SGCZ: variants seen among roughly 807,000 people sequenced by gnomAD.
SGCZ encodes the protein zeta-sarcoglycan.
In SGCZ, 40 loss-of-function variants were observed where a neutral mutation model predicts 41.3. The ratio of observed to expected loss-of-function variants is 0.97; its 90% CI spans 0.75 to 1.26. SGCZ has a LOEUF of 1.26. SGCZ is among the 50% of genes most tolerant of loss of function. The pLI, the probability that SGCZ is intolerant of heterozygous loss-of-function variation, is 0.00. For synonymous variants in SGCZ, 206 were observed against 137.5 expected (o/e 1.50, Z -3.49); for missense variants, 552 against 369.8 (o/e 1.49, Z -4.04).
chr8:14,130,889 T>A (rs1282639657), intron 5 of SGCZ, among the ~76,000 whole-genome samples: 1 of 152,148 alleles, frequency 6.6e-6, no homozygotes, highest in African/African-American at 2.4e-5. Flanking sequence ...AGGTAGAGAA[T>A]CCAGTTGCAT....
chr8:14,872,612 C>T (rs192104673), intron 1 of SGCZ, among the ~76,000 whole-genome samples: 423 of 152,020 alleles, frequency 2.8e-3, no homozygotes, highest in Non-Finnish European at 2.8e-3. Flanking sequence ...TTCTTTAAAC[C>T]ACACAGTATG....
At chr8:14,138,995 C>G (rs1255249789) in intron 5 of SGCZ, among the ~76,000 whole-genome samples, 2 of 152,168 alleles carry the variant, frequency 1.3e-5, no homozygotes, top group African/African-American at 2.4e-5. Context: ...AACTGTCTCT[C>G]AGACCACAGT....
chr8:14,714,339 T>C (rs1363297148), intron 1 of SGCZ, among the ~76,000 whole-genome samples: 1 of 152,148 alleles, frequency 6.6e-6, no homozygotes, highest in Non-Finnish European at 1.5e-5. Flanking sequence ...TTAAAAAAAG[T>C]AACAGTATCA....
chr8:14,684,631 G>T (rs1427445143), intron 1 of SGCZ, among the ~76,000 whole-genome samples: 1 of 151,746 alleles, frequency 6.6e-6, no homozygotes, highest in Non-Finnish European at 1.5e-5. Context: ...GCTTTAAAAA[G>T]TTCATCTAAA....
chr8:14,848,481 C>G (rs951921709), intron 1 of SGCZ, among the ~76,000 whole-genome samples: 3 of 152,154 alleles, frequency 2.0e-5, no homozygotes, highest in African/African-American at 7.2e-5. Flanking sequence ...AATCAACACA[C>G]TGTTGTATTA....
chr8:14,396,257 G>A (rs1798916600), intron 2 of SGCZ, among the ~76,000 whole-genome samples: 1 of 152,060 alleles, frequency 6.6e-6, no homozygotes, highest in Non-Finnish European at 1.5e-5. Flanking sequence ...TGTAAGGTAA[G>A]GACTTAAAAT....
chr8:14,291,105 G>A (rs1446781281), intron 3 of SGCZ, among the ~76,000 whole-genome samples: 2 of 152,038 alleles, frequency 1.3e-5, no homozygotes, highest in African/African-American at 2.4e-5. Flanking sequence ...CTCATGTGTG[G>A]AATCTAAAAA....
intron 1 of SGCZ, among the ~76,000 whole-genome samples, chr8:14,918,937 A>T (rs1368689577): frequency 6.6e-6 from 1 of 152,204 alleles, no homozygotes; most frequent in Admixed American, 6.5e-5. Flanking sequence ...TGTTTTGGTT[A>T]ACAGCATAGA....
intron 4 of SGCZ, among the ~76,000 whole-genome samples, chr8:14,228,370 G>C (rs1053212785): frequency 6.6e-6 from 1 of 151,916 alleles, no homozygotes; most frequent in Non-Finnish European, 1.5e-5. Flanking sequence ...AAAATTTAAA[G>C]CCACTCCTTT....
rs1801171513 is a variant in SGCZ at position 14,301,116 on chromosome 8, T to C, written c.336+22987A>G. 2.0e-5 allele frequency among the ~76,000 whole-genome samples: 3 copies of C among 151,696 alleles called. No individual in the cohort carries two copies. The South Asian group carries it at 6.2e-4, about 31-fold the overall frequency. On this transcript the variant is annotated intron_variant, in intron 3 of 7. Coordinates refer to ENST00000382080, the MANE Select transcript of SGCZ (RefSeq NM_139167.4). ...ATCATCAATTATCCCTATCCTCTCA[T>C]CCTTGTCACCTATTTATTAGATGCC...
intron 5 of SGCZ, among the ~76,000 whole-genome samples, chr8:14,156,808 A>G (rs988916140): frequency 3.9e-5 from 6 of 152,170 alleles, no homozygotes; most frequent in Non-Finnish European, 8.8e-5. Context: ...CCAGCTCCAC[A>G]TCTTGTCCCA....
chr8:15,095,469 T>G (rs985376375), intron 1 of SGCZ, among the ~76,000 whole-genome samples: 4 of 152,242 alleles, frequency 2.6e-5, no homozygotes, highest in Non-Finnish European at 5.9e-5. Flanking sequence ...TGTTTCTTAA[T>G]AGGTTTTCAT....
rs113461342 is a variant in SGCZ at position 14,844,924 on chromosome 8, G to T, written c.40-289998C>A. ...GCTGTGACAGAGTTTTCAGATGCAG[G>T]GAGGGAATACCCAGGCAGAGCCCAG... On this transcript the variant is annotated intron_variant, in intron 1 of 7. Coordinates refer to ENST00000382080, the MANE Select transcript of SGCZ (RefSeq NM_139167.4). Among the ~76,000 whole-genome samples, 240 of 152,246 alleles carry T rather than the reference G, an allele frequency of 1.6e-3. 3 individuals are homozygous for T. Among genetic ancestry groups the T allele is most frequent in the African/African-American group, 5.4e-3 (224 of 41,550 alleles).
chr8:14,518,489 T>C (rs1208798482), intron 2 of SGCZ, among the ~76,000 whole-genome samples: 1 of 152,120 alleles, frequency 6.6e-6, no homozygotes, highest in Non-Finnish European at 1.5e-5. Flanking sequence ...TATTATAATG[T>C]GATATGGTAG....
intron 1 of SGCZ, among the ~76,000 whole-genome samples, chr8:15,210,426 T>C (rs1327616504): frequency 6.6e-6 from 1 of 152,118 alleles, no homozygotes; most frequent in Admixed American, 6.6e-5. Context: ...CTTCTCCAAT[T>C]TCCCACTGTG....
intron 1 of SGCZ, among the ~76,000 whole-genome samples, chr8:14,796,217 A>T (rs1801123874): frequency 1.3e-5 from 2 of 152,176 alleles, no homozygotes; most frequent in African/African-American, 4.8e-5. Context: ...ATTGAATGTT[A>T]TTTCTGTCAT....
chr8:15,028,696 T>C (rs1803546779), intron 1 of SGCZ, among the ~76,000 whole-genome samples: 1 of 152,088 alleles, frequency 6.6e-6, no homozygotes, highest in Admixed American at 6.6e-5. Context: ...ATCTCACAGA[T>C]GACTCTTACA....
chr8:14,240,645 G>A (rs925353174), intron 3 of SGCZ, among the ~76,000 whole-genome samples: 1 of 152,050 alleles, frequency 6.6e-6, no homozygotes, highest in Non-Finnish European at 1.5e-5. Flanking sequence ...ATAGTATTAA[G>A]CTATACTTAT....
chr8:15,101,038 T>C (rs755387185), intron 1 of SGCZ, among the ~76,000 whole-genome samples: 5 of 151,824 alleles, frequency 3.3e-5, no homozygotes, highest in Non-Finnish European at 5.9e-5. Context: ...CAAATGGTGA[T>C]AGAACAAAAC....
Sources: allele counts gnomAD v4.1 joint callset (sites outside exome capture counted in the v4.1 genomes callset), GRCh38; gene constraint gnomAD v4.1.1; transcripts MANE v1.5; gene names NCBI Gene and HGNC (gene_info 2026-07-23, HGNC 2026-07-21).